The following TRDN variants were observed in gnomAD, a reference collection of about 807,000 sequenced individuals.
The protein encoded by TRDN is triadin in skeletal muscle.
Under a neutral mutation model 149.7 loss-of-function variants are expected in TRDN, and 161 were observed. That is an observed-to-expected ratio of 1.08 (90% CI 0.95 to 1.23). The LOEUF (loss-of-function observed/expected upper bound fraction) is 1.23, where lower values mean the gene tolerates loss of function less well. Among genes scored for constraint, TRDN ranks in the 50% most tolerant of loss-of-function variants. TRDN has a pLI of 0.00. For synonymous variants in TRDN, 294 were observed against 250.5 expected (o/e 1.17, Z -1.64); for missense variants, 896 against 823.5 (o/e 1.09, Z -1.08).
intron 1 of TRDN, among the ~76,000 whole-genome samples, chr6:123,622,504 T>A (rs1379925057): frequency 6.6e-6 from 1 of 152,172 alleles, no homozygotes; most frequent in Non-Finnish European, 1.5e-5. Flanking sequence ...ACCCTTGTGT[T>A]GTTCAAGAGT....
intron 37 of TRDN, 144 bp from the exon 38 acceptor site, chr6:123,252,579 C>T (rs377007098): frequency 2.1e-6 from 1 of 465,454 alleles, no homozygotes; most frequent in East Asian, 3.4e-5. Context: ...TCATCTGTTG[C>T]CTGTCAACAT....
chr6:123,290,653 T>C (rs931785553), intron 24 of TRDN, among the ~76,000 whole-genome samples: 1 of 152,212 alleles, frequency 6.6e-6, no homozygotes, highest in Non-Finnish European at 1.5e-5. Context: ...CTTAAAATGA[T>C]AGAATAATCC....
At chr6:123,575,978 A>G (rs1782835042) in intron 1 of TRDN, among the ~76,000 whole-genome samples, 1 of 152,160 alleles carries the variant, frequency 6.6e-6, no homozygotes, top group Non-Finnish European at 1.5e-5. Context: ...ACATAAAAGC[A>G]TTAATTATGA....
chr6:123,495,986 T>C (rs1270166313), intron 9 of TRDN, among the ~76,000 whole-genome samples: 12 of 149,798 alleles, frequency 8.0e-5, no homozygotes, highest in African/African-American at 2.9e-4. Flanking sequence ...TTCCTGAAGG[T>C]TTATTTCCAA....
At chr6:123,499,715 AAAAAATATAT>A (rs1236662725) in intron 8 of TRDN, among the ~76,000 whole-genome samples, 17 of 59,120 alleles carry the variant, frequency 2.9e-4, no homozygotes, top group African/African-American at 6.3e-4. Flanking sequence ...AAAAAAAAAA[AAAAAATATAT>A]ATATATATAT....
intron 1 of TRDN, among the ~76,000 whole-genome samples, chr6:123,592,091 C>T (rs1365999547): frequency 1.3e-5 from 2 of 152,166 alleles, no homozygotes; most frequent in African/African-American, 2.4e-5. Context: ...CATTCTCATC[C>T]TGCTCGTCCA....
At chr6:123,401,448 A>G (rs867632111) in intron 12 of TRDN, among the ~76,000 whole-genome samples, 10 of 152,304 alleles carry the variant, frequency 6.6e-5, no homozygotes, top group Middle Eastern at 3.4e-3. Context: ...CACGTCTCCA[A>G]ATAATTACTG....
chr6:123,523,626 G>A lies in TRDN; in HGVS notation c.484+6880C>T, dbSNP rs528174324. Among the ~76,000 whole-genome samples, 4 of 152,258 alleles carry A rather than the reference G, an allele frequency of 2.6e-5. No individual in the cohort carries two copies. The East Asian group carries it at 7.7e-4, about 29-fold the overall frequency. On this transcript the variant is annotated intron_variant, in intron 5 of 40. Coordinates refer to ENST00000334268, the MANE Select transcript of TRDN (RefSeq NM_006073.4). Reference sequence around the variant, plus strand: ...AATTTAATTGAGAGATGATTGTGGAGAAGATAGCAGTTGGAGAAGAGAGAA... The same window carrying A: ...AATTTAATTGAGAGATGATTGTGGAAAAGATAGCAGTTGGAGAAGAGAGAA...
At chr6:123,270,681 C>T (rs571962230) in intron 30 of TRDN, among the ~76,000 whole-genome samples, 64 of 152,004 alleles carry the variant, frequency 4.2e-4, no homozygotes, top group African/African-American at 1.5e-3. Flanking sequence ...TTCTGTTGAT[C>T]ATTCTCTAAG....
At chr6:123,460,394 G>A (rs923519103) in intron 10 of TRDN, among the ~76,000 whole-genome samples, 7 of 152,116 alleles carry the variant, frequency 4.6e-5, no homozygotes, top group African/African-American at 1.7e-4. Flanking sequence ...GTATCTAACT[G>A]TGCTAGAAAA....
intron 1 of TRDN, among the ~76,000 whole-genome samples, chr6:123,581,395 C>T (rs1190041024): frequency 6.6e-6 from 1 of 152,100 alleles, no homozygotes; most frequent in African/African-American, 2.4e-5. Flanking sequence ...TTCAACAAGG[C>T]CCTAGGTAGG....
chr6:123,313,036 T>C (rs1400978585), intron 24 of TRDN, among the ~76,000 whole-genome samples: 2 of 152,158 alleles, frequency 1.3e-5, no homozygotes, highest in African/African-American at 2.4e-5. Context: ...AAATACCATA[T>C]AAAAATAGAC....
intron 5 of TRDN, among the ~76,000 whole-genome samples, chr6:123,522,413 A>G (rs1779725395): frequency 7.2e-6 from 1 of 139,620 alleles, no homozygotes; most frequent in African/African-American, 2.7e-5. Context: ...AAATAAGGCA[A>G]TATACAATAA....
chr6:123,256,305 A>G (rs1333297466), intron 35 of TRDN, among the ~76,000 whole-genome samples: 1 of 152,104 alleles, frequency 6.6e-6, no homozygotes, highest in African/African-American at 2.4e-5. Context: ...TCCATGGTGT[A>G]TATGTGCCAC....
At chr6:123,449,238 A>G (rs1206908666) in intron 10 of TRDN, among the ~76,000 whole-genome samples, 1 of 152,222 alleles carries the variant, frequency 6.6e-6, no homozygotes, top group Non-Finnish European at 1.5e-5. Context: ...GATTTACCTG[A>G]AAAAGAATTC....
At chr6:123,547,089 C>T (rs1781149474) in intron 4 of TRDN, among the ~76,000 whole-genome samples, 2 of 152,050 alleles carry the variant, frequency 1.3e-5, no homozygotes. Context: ...AATTCCAGCT[C>T]ATATTGGTCT....
chr6:123,561,206 G>A (rs1456659901), intron 2 of TRDN, among the ~76,000 whole-genome samples: 2 of 152,090 alleles, frequency 1.3e-5, no homozygotes, highest in Non-Finnish European at 2.9e-5. Flanking sequence ...TAGTGGACTG[G>A]TCTTTATTAG....
At chr6:123,227,069 T>C (rs1454843099) in intron 38 of TRDN, among the ~76,000 whole-genome samples, 2 of 151,836 alleles carry the variant, frequency 1.3e-5, no homozygotes, top group Admixed American at 1.3e-4. Flanking sequence ...ATCTTATACA[T>C]CAGGCTAAGT....
intron 23 of TRDN, among the ~76,000 whole-genome samples, chr6:123,325,830 C>T (rs1306986438): frequency 6.6e-6 from 1 of 152,060 alleles, no homozygotes; most frequent in Non-Finnish European, 1.5e-5. Flanking sequence ...GACCAACTGT[C>T]TTGATTCTTT....
Sources: allele counts gnomAD v4.1 joint callset (sites outside exome capture counted in the v4.1 genomes callset), GRCh38; gene constraint gnomAD v4.1.1; transcripts MANE v1.5; gene names NCBI Gene and HGNC (gene_info 2026-07-23, HGNC 2026-07-21).